The following PCSK6 variants were observed in gnomAD, a reference collection of about 807,000 sequenced individuals.
PCSK6 encodes paired basic amino acid cleaving enzyme 4.
Under a neutral mutation model 123.3 loss-of-function variants are expected in PCSK6, and 85 were observed. The observed-to-expected ratio is 0.69, with a 90% CI of 0.58 to 0.83. The LOEUF (loss-of-function observed/expected upper bound fraction) is 0.83, where lower values mean the gene tolerates loss of function less well. PCSK6 is among the 40% of genes least tolerant of loss of function. The pLI is 0.00. For synonymous variants in PCSK6, 508 were observed against 516.0 expected, an observed-to-expected ratio of 0.98 and a Z score of 0.21; for missense variants, 1,191 against 1,282.3, an observed-to-expected ratio of 0.93 and a Z score of 1.09.
intron 13 of PCSK6, among the ~76,000 whole-genome samples, chr15:101,353,428 CCTAACAG>C (rs1285325404): frequency 6.6e-6 from 1 of 152,026 alleles, no homozygotes; most frequent in African/African-American, 2.4e-5. Flanking sequence ...TAGTCTAGTC[CCTAACAG>C]TCCATGGACC....
chr15:101,322,258 C>T (rs541472173), intron 18 of PCSK6, among the ~76,000 whole-genome samples: 8 of 152,328 alleles, frequency 5.3e-5, no homozygotes, highest in African/African-American at 1.4e-4. Flanking sequence ...GATCTGGGCA[C>T]AGCCCTGTGC....
chr15:101,457,793 C>T (rs112921811), intron 1 of PCSK6, among the ~76,000 whole-genome samples: 98 of 152,316 alleles, frequency 6.4e-4, no homozygotes, highest in African/African-American at 2.2e-3. Context: ...CCATTCGTGT[C>T]TGGCAATCCA....
At chr15:101,371,728 C>T (rs2041593161) in intron 11 of PCSK6, among the ~76,000 whole-genome samples, 1 of 152,104 alleles carries the variant, frequency 6.6e-6, no homozygotes, top group Non-Finnish European at 1.5e-5. Flanking sequence ...CTGCCTCCGC[C>T]TCCAGGCCTC....
chr15:101,333,044 C>T (rs1199432100), intron 13 of PCSK6, among the ~76,000 whole-genome samples: 1 of 152,194 alleles, frequency 6.6e-6, no homozygotes, highest in African/African-American at 2.4e-5. Context: ...AAAATATCAT[C>T]GAAATAAGTC....
At chr15:101,393,456 C>G (rs376041852) in intron 7 of PCSK6, 32 bp from the exon 8 acceptor site, 1 of 1,567,090 alleles carries the variant, frequency 6.4e-7, no homozygotes, top group South Asian at 1.1e-5. Context: ...GGCTTAGCCC[C>G]GCAGCAGAAC....
At chr15:101,317,745 T>G (rs1400496612) in intron 19 of PCSK6, among the ~76,000 whole-genome samples, 2 of 152,238 alleles carry the variant, frequency 1.3e-5, no homozygotes, top group African/African-American at 4.8e-5. Flanking sequence ...AATAAGCCAC[T>G]GCCTGGCTGG....
intron 1 of PCSK6, among the ~76,000 whole-genome samples, chr15:101,452,997 T>A (rs1032763549): frequency 6.6e-6 from 1 of 152,126 alleles, no homozygotes; most frequent in Non-Finnish European, 1.5e-5. Flanking sequence ...TTTCAAAAAA[T>A]TGTAAAAGAA....
chr15:101,313,541 T>G, intron 19 of PCSK6, 36 bp from the exon 20 acceptor site: 1 of 1,566,208 alleles, frequency 6.4e-7, no homozygotes, highest in Middle Eastern at 2.1e-4. Context: ...GTATCAGGGA[T>G]GGCTGGCAGA....
chr15:101,347,934 C>T (rs537975627), intron 13 of PCSK6, among the ~76,000 whole-genome samples: 46 of 152,286 alleles, frequency 3.0e-4, no homozygotes, highest in Middle Eastern at 3.4e-3. Context: ...CACAAAGAAA[C>T]GGGGTGGTTG....
chr15:101,388,937 T>C (rs1167629374), intron 9 of PCSK6, among the ~76,000 whole-genome samples: 1 of 152,164 alleles, frequency 6.6e-6, no homozygotes, highest in Non-Finnish European at 1.5e-5. Context: ...CTATGTCCCC[T>C]CCAAAATGTA....
intron 13 of PCSK6, among the ~76,000 whole-genome samples, chr15:101,345,010 A>G (rs1369080975): frequency 6.6e-6 from 1 of 152,186 alleles, no homozygotes; most frequent in East Asian, 1.9e-4. Flanking sequence ...TAGTGAAACT[A>G]CTGAAGTTAT....
Position 101,398,608 on chromosome 15 carries a change from C to G in PCSK6, c.824-32G>C. The G allele has an allele frequency of 6.3e-7, 1 of 1,591,914 alleles. No individual in the cohort carries two copies. Among genetic ancestry groups the G allele is most frequent in the Non-Finnish European group, 8.6e-7 (1 of 1,168,202 alleles). ...GCACAGAGGAGGCTCGGTGTCGGCGCCCAGGCTCCGGGCACACAGCGACGG... is the reference window on the plus strand; with the variant it reads ...GCACAGAGGAGGCTCGGTGTCGGCGGCCAGGCTCCGGGCACACAGCGACGG... On this transcript the variant is annotated intron_variant, in intron 6 of 21. Coordinates refer to ENST00000611716, the MANE Select transcript of PCSK6 (RefSeq NM_002570.5). The surrounding 1 kb of genome is among the most constrained non-coding windows in gnomAD (Gnocchi z 4.6).
chr15:101,431,893 T>A, intron 3 of PCSK6, 97 bp downstream of exon 3: 1 of 842,812 alleles, frequency 1.2e-6, no homozygotes, highest in African/African-American at 1.7e-5. Context: ...TGTCTGGAGA[T>A]GTTGTTTGAA....
chr15:101,333,680 C>T (rs1222083214), intron 13 of PCSK6, among the ~76,000 whole-genome samples: 1 of 151,088 alleles, frequency 6.6e-6, no homozygotes, highest in African/African-American at 2.4e-5. Context: ...GCCAGTACAA[C>T]TTTACTTTTT....
chr15:101,432,487 G>T (rs1161701408), intron 2 of PCSK6, among the ~76,000 whole-genome samples: 3 of 150,996 alleles, frequency 2.0e-5, no homozygotes, highest in African/African-American at 7.3e-5. Flanking sequence ...AATCTAGCTG[G>T]GCATGATGGC....
chr15:101,366,592 C>T (rs548934921), intron 12 of PCSK6, among the ~76,000 whole-genome samples: 3 of 152,280 alleles, frequency 2.0e-5, no homozygotes, highest in Non-Finnish European at 2.9e-5. Context: ...GGCAGGCAGG[C>T]AGGTTTCATA....
At chr15:101,450,080 G>A (rs2056994272) in intron 1 of PCSK6, among the ~76,000 whole-genome samples, 1 of 152,056 alleles carries the variant, frequency 6.6e-6, no homozygotes, top group South Asian at 2.1e-4. Context: ...CCTTGTCTTG[G>A]TAAAAGCCAC....
chr15:101,406,882 G>C (rs1415199867), intron 6 of PCSK6, among the ~76,000 whole-genome samples: 1 of 152,210 alleles, frequency 6.6e-6, no homozygotes, highest in East Asian at 1.9e-4. Flanking sequence ...GCTGTAGCCA[G>C]CGACGCTCCT....
chr15:101,470,739 G>A (rs2057583198), intron 1 of PCSK6, among the ~76,000 whole-genome samples: 1 of 152,174 alleles, frequency 6.6e-6, no homozygotes, highest in South Asian at 2.1e-4. Context: ...TCTCCCACAA[G>A]GAGTCTGACC....
Sources: gnomAD v4.1 joint callset for allele counts (sites outside exome capture counted in the v4.1 genomes callset) on GRCh38, gnomAD v4.1.1 for gene constraint, Gnocchi (gnomAD v3.1) non-coding constraint, MANE v1.5 for transcripts, NCBI Gene and HGNC (gene_info 2026-07-23, HGNC 2026-07-21) for gene names.